Variants in CAST observed in about 807,000 individuals in gnomAD.
The protein encoded by CAST is MIR583 host.
A neutral mutation model predicts 119.6 loss-of-function variants in CAST; 76 were observed. That is an observed-to-expected ratio of 0.64 (90% CI 0.53 to 0.77). The LOEUF (loss-of-function observed/expected upper bound fraction) is 0.77. CAST is among the 30% of genes least tolerant of loss of function. CAST has a pLI of 0.00. For synonymous variants in CAST, 319 were observed against 331.6 expected, an observed-to-expected ratio of 0.96 and a Z score of 0.41; for missense variants, 953 against 946.5, an observed-to-expected ratio of 1.01 and a Z score of -0.09.
chr5:96,143,985 T>C, the CAST span, among the ~76,000 whole-genome samples: 1 of 152,230 alleles, frequency 6.6e-6, no homozygotes, highest in Non-Finnish European at 1.5e-5. Context: ...TTTGTTTCTA[T>C]ACATATACTT....
the CAST span, chr5:96,213,589 G>C: frequency 6.6e-6 from 1 of 152,160 alleles, no homozygotes; most frequent in African/African-American, 2.4e-5. Context: ...TTTGAGAGCA[G>C]CTTGGGCAAT....
chr5:96,254,503 T>G, the CAST span, among the ~76,000 whole-genome samples: 1 of 152,196 alleles, frequency 6.6e-6, no homozygotes, highest in Non-Finnish European at 1.5e-5. Context: ...TCTAATAGCT[T>G]ATTGCAATCT....
chr5:96,680,271 C>T (rs1038503807), intron 2 of CAST, among the ~76,000 whole-genome samples: 17 of 140,106 alleles, frequency 1.2e-4, no homozygotes, highest in Non-Finnish European at 6.1e-5. Context: ...AGGAGAATTG[C>T]TTGAACCTGG....
intron 16 of CAST, chr5:96,743,571 G>A: frequency 6.3e-7 from 1 of 1,585,600 alleles, no homozygotes; most frequent in Non-Finnish European, 8.6e-7. Flanking sequence ...TCAGGGAAGG[G>A]GAGTCTCCCT....
At chr5:96,501,166 A>G in the CAST span, among the ~76,000 whole-genome samples, 3 of 152,366 alleles carry the variant, frequency 2.0e-5, no homozygotes, top group South Asian at 2.1e-4. Context: ...TACCAGAGGC[A>G]TCAGACAAGG....
the CAST span, among the ~76,000 whole-genome samples, chr5:96,132,207 AAAAGT>A: frequency 2.8e-3 from 424 of 152,014 alleles, 1 homozygote; most frequent in African/African-American, 9.2e-3. Flanking sequence ...GGAAGCAATT[AAAAGT>A]AAAGTTGCAA....
At chr5:96,615,069 A>G (rs1188857204) in intron 1 of CAST, among the ~76,000 whole-genome samples, 1 of 152,228 alleles carries the variant, frequency 6.6e-6, no homozygotes, top group Non-Finnish European at 1.5e-5. Flanking sequence ...GAGTACCCAT[A>G]CAGCAATTCA....
chr5:96,414,942 T>C, the CAST span, among the ~76,000 whole-genome samples: 1 of 152,214 alleles, frequency 6.6e-6, no homozygotes, highest in South Asian at 2.1e-4. Flanking sequence ...ATTTATTTGG[T>C]TTCTAAAAAG....
chr5:96,540,293 T>C (rs925250112), intron 1 of CAST, among the ~76,000 whole-genome samples: 2 of 152,160 alleles, frequency 1.3e-5, no homozygotes, highest in African/African-American at 4.8e-5. Flanking sequence ...CCATCTGTTA[T>C]CATTCTCCTT....
At chr5:96,570,182 G>A (rs1746545196) in intron 1 of CAST, among the ~76,000 whole-genome samples, 1 of 152,228 alleles carries the variant, frequency 6.6e-6, no homozygotes, top group Admixed American at 6.5e-5. Context: ...CTTAGGAAGA[G>A]GACTTGTCTT....
intron 25 of CAST, 129 bp from the exon 26 acceptor site, chr5:96,765,092 C>T: frequency 4.5e-6 from 3 of 671,568 alleles, no homozygotes; most frequent in Non-Finnish European, 2.7e-6. Flanking sequence ...TACTCCCCTG[C>T]CCCAGCCCCA....
the CAST span, among the ~76,000 whole-genome samples, chr5:96,266,104 T>C: frequency 6.6e-6 from 1 of 152,162 alleles, no homozygotes; most frequent in African/African-American, 2.4e-5. Context: ...TATACATTAC[T>C]GAGATTATAA....
At chr5:96,401,639 C>T in the CAST span, among the ~76,000 whole-genome samples, 2 of 152,120 alleles carry the variant, frequency 1.3e-5, no homozygotes, top group African/African-American at 4.8e-5. Context: ...TTCCACTCTC[C>T]CACATGGTCC....
At chr5:96,317,705 G>A in the CAST span, among the ~76,000 whole-genome samples, 3 of 152,194 alleles carry the variant, frequency 2.0e-5, no homozygotes, top group Non-Finnish European at 2.9e-5. Flanking sequence ...ATTGCATGCA[G>A]CAACAATCAG....
intron 1 of CAST, among the ~76,000 whole-genome samples, chr5:96,559,424 G>C (rs1046180279): frequency 2.6e-5 from 4 of 152,180 alleles, no homozygotes; most frequent in Non-Finnish European, 5.9e-5. Flanking sequence ...AATTGTCCCT[G>C]TTTGCAGATG....
chr5:96,424,997 GAGAAAGAAAGAAA>G, the CAST span, among the ~76,000 whole-genome samples: 20 of 100,186 alleles, frequency 2.0e-4, no homozygotes, highest in Non-Finnish European at 2.8e-4. Flanking sequence ...AAGAAAGAAA[GAGAAAGAAAGAAA>G]AGAAAGAAAG....
intron 3 of CAST, among the ~76,000 whole-genome samples, chr5:96,717,607 T>C (rs1468653878): frequency 1.3e-5 from 2 of 152,232 alleles, no homozygotes; most frequent in Admixed American, 6.5e-5. Context: ...GTTAAGCAAC[T>C]TGCTCAAGGT....
intron 1 of CAST, among the ~76,000 whole-genome samples, chr5:96,609,616 G>A (rs1580844397): frequency 1.3e-5 from 2 of 152,180 alleles, no homozygotes; most frequent in South Asian, 2.1e-4. Flanking sequence ...TGTTGGTACT[G>A]TGACTTCCAG....
the CAST span, among the ~76,000 whole-genome samples, chr5:96,336,707 G>A: frequency 6.6e-6 from 1 of 152,166 alleles, no homozygotes; most frequent in African/African-American, 2.4e-5. Context: ...TTTTCCAGAT[G>A]TCTAATTCTG....
Sources: allele counts gnomAD v4.1 joint callset (sites outside exome capture counted in the v4.1 genomes callset), GRCh38; gene constraint gnomAD v4.1.1; transcripts MANE v1.5; gene names NCBI Gene and HGNC (gene_info 2026-07-23, HGNC 2026-07-21).